SMG6: variants seen among roughly 807,000 people sequenced by gnomAD.
SMG6 encodes SMG6 nonsense mediated mRNA decay factor.
SMG6 carries 66 observed loss-of-function variants against 142.2 expected under a neutral mutation model. That is an observed-to-expected ratio of 0.46 (90% CI 0.38 to 0.57). The LOEUF (loss-of-function observed/expected upper bound fraction) is 0.57. SMG6 is among the 20% of genes least tolerant of loss of function. SMG6 has a pLI of 0.00. For missense variants in SMG6, 1,793 were observed against 1,832.0 expected, an observed-to-expected ratio of 0.98 and a Z score of 0.39; for synonymous variants, 779 against 702.4, an observed-to-expected ratio of 1.11 and a Z score of -1.72.
intron 13 of SMG6, among the ~76,000 whole-genome samples, chr17:2,158,737 C>T (rs571270382): frequency 6.6e-6 from 1 of 151,626 alleles, no homozygotes; most frequent in South Asian, 2.1e-4. Context: ...GGCAACATGG[C>T]GAAACCATGG....
intron 13 of SMG6, among the ~76,000 whole-genome samples, chr17:2,156,188 G>A (rs1055411023): frequency 2.0e-5 from 3 of 150,948 alleles, no homozygotes; most frequent in South Asian, 4.2e-4. Context: ...TCAGGAGTTC[G>A]AGACCATCCT....
In SMG6 at chr17:2,107,034, T is replaced by A. The variant is rs765746098; in HGVS notation, c.3358-21133A>T. Among the ~76,000 whole-genome samples the A allele has an allele frequency of 2.0e-5, 3 of 152,126 alleles. No individual in the cohort carries two copies. In the South Asian group the frequency reaches 6.2e-4, roughly 32 times the overall value. On this transcript the variant is annotated intron_variant, in intron 13 of 18. Coordinates refer to ENST00000263073, the MANE Select transcript of SMG6 (RefSeq NM_017575.5). ...AGACGTTTAGTATTTCAGTACTTAG[T>A]AGTTTAGTATTTTAGCCTGACATGT...
chr17:2,126,012 C>T (rs914215237), intron 13 of SMG6, among the ~76,000 whole-genome samples: 43 of 149,076 alleles, frequency 2.9e-4, no homozygotes, highest in Admixed American at 1.3e-4. Context: ...CCAAATTAAT[C>T]GTGAAAAAGA....
intron 8 of SMG6, among the ~76,000 whole-genome samples, chr17:2,279,107 G>A (rs1003260528): frequency 6.6e-6 from 1 of 152,174 alleles, no homozygotes. Flanking sequence ...TTACAAAGGC[G>A]AAATGGCCAG....
At chr17:2,145,280 ATT>A (rs113435292) in intron 13 of SMG6, among the ~76,000 whole-genome samples, 16 of 136,038 alleles carry the variant, frequency 1.2e-4, no homozygotes, top group Non-Finnish European at 1.1e-4. Context: ...CACCCAGCTA[ATT>A]TTTTTTTTTT....
At chr17:2,219,906 A>T (rs12602764) in intron 10 of SMG6, among the ~76,000 whole-genome samples, 56,779 of 151,864 alleles carry the variant, frequency 0.37, 10,915 homozygotes, top group Middle Eastern at 0.44. Context: ...CCAACAACCA[A>T]ACTTCTAAAA....
intron 12 of SMG6, among the ~76,000 whole-genome samples, chr17:2,185,239 A>C (rs2071940848): frequency 6.6e-6 from 1 of 152,138 alleles, no homozygotes; most frequent in Admixed American, 6.6e-5. Context: ...AGGCACACGG[A>C]AAGACCCCTA....
chr17:2,140,524 C>T (rs8077597), intron 13 of SMG6, among the ~76,000 whole-genome samples: 52,814 of 151,856 alleles, frequency 0.35, 9,944 homozygotes, highest in African/African-American at 0.49. Flanking sequence ...GCAAAAAAAT[C>T]AGCCGGGTGT....
At chr17:2,258,536 G>A (rs1207872693) in intron 8 of SMG6, among the ~76,000 whole-genome samples, 2 of 140,102 alleles carry the variant, frequency 1.4e-5, no homozygotes, top group Non-Finnish European at 3.0e-5. Context: ...CAGGCTAGGC[G>A]ACAGAGTAAG....
At chr17:2,143,764 G>T (rs1364610121) in intron 13 of SMG6, among the ~76,000 whole-genome samples, 2 of 152,124 alleles carry the variant, frequency 1.3e-5, no homozygotes, top group South Asian at 2.1e-4. Flanking sequence ...TTTAAAAAGG[G>T]TATTAAAACA....
intron 13 of SMG6, among the ~76,000 whole-genome samples, chr17:2,163,402 A>C (rs2071240369): frequency 6.6e-6 from 1 of 151,620 alleles, no homozygotes; most frequent in African/African-American, 2.4e-5. Flanking sequence ...CTGGTCTCGA[A>C]CTCCTGGGCT....
chr17:2,181,131 A>C (rs1429977283), intron 12 of SMG6, among the ~76,000 whole-genome samples: 1 of 152,216 alleles, frequency 6.6e-6, no homozygotes, highest in African/African-American at 2.4e-5. Flanking sequence ...AGTGGGCATG[A>C]GATTAAGTTT....
chr17:2,087,831 G>A (rs2068606906), intron 13 of SMG6: 1 of 985,698 alleles, frequency 1.0e-6, no homozygotes. Flanking sequence ...GGAAACTTCT[G>A]CATTTCCACA....
rs562438656 is a variant in SMG6, at chr17:2,125,952, CA to C, written c.3358-40052del. 5.8e-3 allele frequency among the ~76,000 whole-genome samples: 605 copies of C among 105,100 alleles called. 2 individuals are homozygous for C. The highest frequency in any genetic ancestry group is 0.045 in the East Asian group (146 of 3,258). 68.9% of individuals were successfully genotyped at this position (105,100 alleles called of 152,430 possible). On this transcript the variant is annotated intron_variant, in intron 13 of 18. Transcript: ENST00000263073. Reference sequence around the variant, plus strand: ...TGGGAGATGGAGTGAGAACCCATCTCAAAAAAAAAAAAAAAAAAATCATATG... The same window carrying C: ...TGGGAGATGGAGTGAGAACCCATCTCAAAAAAAAAAAAAAAAAATCATATG...
At chr17:2,187,973 C>T (rs1366186294) in intron 11 of SMG6, among the ~76,000 whole-genome samples, 1 of 152,160 alleles carries the variant, frequency 6.6e-6, no homozygotes, top group Non-Finnish European at 1.5e-5. Flanking sequence ...AGCACCTGCT[C>T]TATCTGGTCC....
rs372124840 is a variant in SMG6 at position 2,068,953 on chromosome 17, T to A, written c.3682-22A>T. 3.0e-5 allele frequency: 49 copies of A among 1,611,604 alleles called. No homozygotes were observed. Among genetic ancestry groups the A allele is most frequent in the Non-Finnish European group, 3.8e-5 (45 of 1,178,198 alleles). The stretch of plus-strand genomic sequence containing the variant: ...CAGCCTATGGGGACAGAGTGGTGAA[T>A]GAGCCAGACAGCGAGCAGGCAAGCA... On this transcript the variant is annotated intron_variant, in intron 15 of 18. Transcript: ENST00000263073. The surrounding 1 kb of genome is among the most constrained non-coding windows in gnomAD (Gnocchi z 6.7).
intron 8 of SMG6, among the ~76,000 whole-genome samples, chr17:2,264,019 G>C (rs934889305): frequency 6.6e-6 from 1 of 151,832 alleles, no homozygotes; most frequent in Non-Finnish European, 1.5e-5. Context: ...AAACATAAAG[G>C]GTAGTGCAGT....
chr17:2,253,656 C>G (rs1350748140), intron 8 of SMG6, among the ~76,000 whole-genome samples: 2 of 152,210 alleles, frequency 1.3e-5, no homozygotes, highest in African/African-American at 2.4e-5. Flanking sequence ...ACCCACTTCT[C>G]ACCACCACAG....
At chr17:2,142,956 C>T (rs1373504221) in intron 13 of SMG6, among the ~76,000 whole-genome samples, 1 of 150,812 alleles carries the variant, frequency 6.6e-6, no homozygotes, top group East Asian at 1.9e-4. Flanking sequence ...TACCAACAGC[C>T]ACTGAACACA....
Sources: allele counts gnomAD v4.1 joint callset (sites outside exome capture counted in the v4.1 genomes callset), GRCh38; gene constraint gnomAD v4.1.1; non-coding constraint Gnocchi (gnomAD v3.1); transcripts MANE v1.5; gene names NCBI Gene and HGNC (gene_info 2026-07-23, HGNC 2026-07-21).